EXOC5: variants seen among roughly 807,000 people sequenced by gnomAD.
EXOC5 encodes the protein exocyst complex component 5.
EXOC5 carries 17 observed loss-of-function variants against 90.8 expected under a neutral mutation model. The observed-to-expected ratio is 0.19, with a 90% CI of 0.13 to 0.28. The LOEUF (loss-of-function observed/expected upper bound fraction) is 0.28. EXOC5 is among the 10% of genes least tolerant of loss of function. The pLI, the probability that EXOC5 is intolerant of heterozygous loss-of-function variation, is 1.00. For synonymous variants in EXOC5, 260 were observed against 270.0 expected, an observed-to-expected ratio of 0.96 and a Z score of 0.36; for missense variants, 569 against 830.6, an observed-to-expected ratio of 0.69 and a Z score of 3.87.
At position 57,246,873 on chromosome 14, in the gene EXOC5, T is replaced by A; in HGVS notation, c.123-15A>T. On this transcript the variant is annotated splice_polypyrimidine_tract_variant and intron_variant, in intron 2 of 17. Coordinates refer to ENST00000621441, the MANE Select transcript of EXOC5 (RefSeq NM_006544.4). ...CTTCTAATAATCTAACAGAGGAAAG[T>A]TTGAATATGTATCAATCTACCTATT... The A allele has an allele frequency of 6.8e-7, 1 of 1,475,718 alleles. No homozygotes were observed. Among genetic ancestry groups the A allele is most frequent in the Non-Finnish European group, 9.4e-7 (1 of 1,069,060 alleles). 91.4% of individuals were successfully genotyped at this position (1,475,718 alleles called of 1,614,324 possible).
intron 13 of EXOC5, 54 bp from the exon 14 acceptor site, chr14:57,219,496 G>A: frequency 7.1e-7 from 1 of 1,409,438 alleles, no homozygotes; most frequent in Non-Finnish European, 9.5e-7. Flanking sequence ...AATTCATCTT[G>A]GCAACAGAAA....
In EXOC5 at chr14:57,222,433, A is replaced by C. The variant is rs757322347; in HGVS notation, c.1297-17T>G. On this transcript the variant is annotated splice_polypyrimidine_tract_variant and intron_variant, in intron 12 of 17. Transcript: ENST00000621441. ...ATCAGAGAGCTTAAAAACAAAAATC[A>C]AACAATATCACTCCTCAAGTCTACC... The C allele has an allele frequency of 1.3e-5, 18 of 1,413,450 alleles. 1 individual carries two copies. In the Middle Eastern group the frequency reaches 7.1e-4, roughly 56 times the overall value. 87.6% of individuals were successfully genotyped at this position (1,413,450 alleles called of 1,614,324 possible).
chr14:57,219,955 G>C (rs1883079170), intron 13 of EXOC5, among the ~76,000 whole-genome samples: 1 of 152,142 alleles, frequency 6.6e-6, no homozygotes, highest in South Asian at 2.1e-4. Context: ...AGGGAATCAA[G>C]CCACTCCATA....
intron 17 of EXOC5, among the ~76,000 whole-genome samples, chr14:57,209,144 T>C (rs1467047153): frequency 6.6e-6 from 1 of 152,154 alleles, no homozygotes; most frequent in East Asian, 1.9e-4. Flanking sequence ...TTTTTCCTAA[T>C]GTGTGACATA....
intron 5 of EXOC5, among the ~76,000 whole-genome samples, chr14:57,238,221 T>TAC (rs372613596): frequency 0.03 from 2,839 of 93,170 alleles, 51 homozygotes; most frequent in East Asian, 0.15. Context: ...TCCACATATA[T>TAC]ATACACACAC....
rs375887304 is a variant in EXOC5, at chr14:57,219,297, A to T, written c.1526+25T>A. On this transcript the variant is annotated intron_variant, in intron 14 of 17. Transcript: ENST00000621441. ...TGCTATAATAGTCACTGAAATATCA[A>T]TGAAAATCAGATAATTTGACTAACC... is the stretch of plus-strand genomic sequence containing the variant. 17 of 1,381,626 alleles carry T rather than the reference A, an allele frequency of 1.2e-5. No homozygotes were observed. In the East Asian group the frequency reaches 3.4e-4, roughly 27 times the overall value. 85.6% of individuals were successfully genotyped at this position (1,381,626 alleles called of 1,614,324 possible).
In EXOC5 at chr14:57,239,021, G is replaced by A. The variant is rs74909602; in HGVS notation, c.530+574C>T. Among the ~76,000 whole-genome samples the A allele has an allele frequency of 5.2e-3, 794 of 152,056 alleles. 10 individuals are homozygous for A. Among genetic ancestry groups the A allele is most frequent in the African/African-American group, 0.018 (752 of 41,500 alleles). On this transcript the variant is annotated intron_variant, in intron 5 of 17. Coordinates refer to ENST00000621441, the MANE Select transcript of EXOC5 (RefSeq NM_006544.4). ...TTATTTTAGGATGAAATCTAACTTAGTAATGGCTCTGGGGCCTTGCATTTT... is the reference window on the plus strand; with the variant it reads ...TTATTTTAGGATGAAATCTAACTTAATAATGGCTCTGGGGCCTTGCATTTT...
chr14:57,215,934 A>G (rs1882958271), intron 15 of EXOC5, among the ~76,000 whole-genome samples: 1 of 152,100 alleles, frequency 6.6e-6, no homozygotes, highest in South Asian at 2.1e-4. Context: ...AACTCTAAAG[A>G]CTCCATCAAA....
intron 4 of EXOC5, 146 bp from the exon 5 acceptor site, chr14:57,239,805 A>T: frequency 3.7e-6 from 2 of 547,552 alleles, no homozygotes; most frequent in Non-Finnish European, 6.4e-6. Flanking sequence ...CACAACAAAT[A>T]AAACTTTATG....
rs752263403 is a variant in EXOC5, at chr14:57,232,684, G to C, written c.921C>G (p.Leu307=). The C allele has an allele frequency of 8.2e-6, 12 of 1,459,044 alleles. No homozygotes were observed. Among genetic ancestry groups the C allele is most frequent in the Non-Finnish European group, 1.0e-5 (11 of 1,060,174 alleles). 90.4% of individuals were successfully genotyped at this position (1,459,044 alleles called of 1,614,324 possible). A position where few individuals can be genotyped will look rare whatever the true frequency, so the allele number is the denominator to read the frequency against. Residue 307 remains leucine, a synonymous_variant, in exon 10 of 18, where the codon CTC becomes CTG. Coordinates refer to ENST00000621441, the MANE Select transcript of EXOC5 (RefSeq NM_006544.4). ...AAATTTACCTTGTATACAGATCATA[G>C]AGATTTTTGAGATATTGCTCTGCAT... ...KSDAEQYLKN[L]YDLYTRTTNL... is the part of the protein sequence containing the mutation.
intron 15 of EXOC5, among the ~76,000 whole-genome samples, chr14:57,215,682 A>C (rs1882952390): frequency 6.6e-6 from 1 of 152,188 alleles, no homozygotes; most frequent in Admixed American, 6.5e-5. Context: ...GATAATAAAG[A>C]TCATATATGA....
intron 1 of EXOC5, among the ~76,000 whole-genome samples, chr14:57,265,440 T>C (rs910432757): frequency 1.3e-5 from 2 of 152,072 alleles, no homozygotes; most frequent in Admixed American, 6.6e-5. Context: ...TAAAAAGAAC[T>C]GGCGGGGCAC....
chr14:57,229,611 A>G (rs1883415600), intron 12 of EXOC5, 123 bp downstream of exon 12: 2 of 488,342 alleles, frequency 4.1e-6, no homozygotes, highest in African/African-American at 1.9e-5. Flanking sequence ...TGCAAATACT[A>G]CACACTTTAT....
chr14:57,233,018 G>C (rs1883532567), intron 9 of EXOC5: 1 of 236,828 alleles, frequency 4.2e-6, no homozygotes, highest in African/African-American at 2.3e-5. Flanking sequence ...TCTGCTCTGT[G>C]AGGTGCATCA....
intron 1 of EXOC5, among the ~76,000 whole-genome samples, chr14:57,268,009 G>C (rs1189832533): frequency 1.3e-5 from 2 of 151,338 alleles, no homozygotes; most frequent in East Asian, 1.9e-4. Flanking sequence ...CTTGAATTTT[G>C]CCTCCCTTCA....
chr14:57,268,659 TGA>T lies in EXOC5; in HGVS notation c.-13_-12del. The T allele has an allele frequency of 1.3e-6, 2 of 1,585,604 alleles. No homozygotes were observed. Among genetic ancestry groups the T allele is most frequent in the Non-Finnish European group, 8.5e-7 (1 of 1,173,466 alleles). On this transcript the variant is annotated 5_prime_UTR_variant, in exon 1 of 18. Transcript: ENST00000621441. ...GGCCGTGGTAGCCATCCCGGCCGGC[TGA>T]GAGGCTCGCCCCCCACTGGATGCCG...
intron 12 of EXOC5, among the ~76,000 whole-genome samples, chr14:57,229,107 T>C (rs1883400583): frequency 6.6e-6 from 1 of 152,166 alleles, no homozygotes; most frequent in Non-Finnish European, 1.5e-5. Context: ...GCACCATTTC[T>C]TCATGAGAAA....
intron 3 of EXOC5, among the ~76,000 whole-genome samples, chr14:57,245,975 G>C (rs556323661): frequency 6.6e-6 from 1 of 151,936 alleles, no homozygotes; most frequent in African/African-American, 2.4e-5. Flanking sequence ...ACTTGAACTT[G>C]GGAGGTGGAG....
At chr14:57,241,928 T>C (rs1244680788) in intron 4 of EXOC5, among the ~76,000 whole-genome samples, 3 of 151,920 alleles carry the variant, frequency 2.0e-5, no homozygotes, top group East Asian at 3.9e-4. Flanking sequence ...GGTCAGTAGA[T>C]GGAGACCATC....
Sources: gnomAD v4.1 joint callset for allele counts (sites outside exome capture counted in the v4.1 genomes callset) on GRCh38, gnomAD v4.1.1 for gene constraint, MANE v1.5 for transcripts, NCBI Gene and HGNC (gene_info 2026-07-23, HGNC 2026-07-21) for gene names.